The following DLG2 variants were observed in gnomAD, a reference collection of about 807,000 sequenced individuals.
The protein encoded by DLG2 is discs large MAGUK scaffold protein 2.
DLG2 carries 45 observed loss-of-function variants against 132.5 expected under a neutral mutation model. That is an observed-to-expected ratio of 0.34 (90% confidence interval 0.27 to 0.44). The LOEUF (loss-of-function observed/expected upper bound fraction) is 0.44, where lower values mean the gene tolerates loss of function less well. Ranked by LOEUF, DLG2 falls within the 20% of genes least tolerant of loss-of-function variation. The pLI, the probability that DLG2 is intolerant of heterozygous loss-of-function variation, is 1.00. For missense variants in DLG2, 1,045 were observed against 1,196.9 expected (o/e 0.87, Z 1.87); for synonymous variants, 424 against 419.6 (o/e 1.01, Z -0.13).
At chr11:85,271,525 C>T (rs2077529549) in intron 4 of DLG2, among the ~76,000 whole-genome samples, 1 of 152,218 alleles carries the variant, frequency 6.6e-6, no homozygotes, top group Non-Finnish European at 1.5e-5. Flanking sequence ...ACAGCTTGCA[C>T]CGTGCACCCA....
At chr11:84,559,846 T>C (rs1211579231) in intron 6 of DLG2, among the ~76,000 whole-genome samples, 1 of 152,176 alleles carries the variant, frequency 6.6e-6, no homozygotes, top group East Asian at 1.9e-4. Context: ...TAATTTTAAA[T>C]TGATTAAATC....
At chr11:84,665,663 C>T (rs1211976759) in intron 6 of DLG2, among the ~76,000 whole-genome samples, 21 of 152,122 alleles carry the variant, frequency 1.4e-4, no homozygotes, top group Non-Finnish European at 2.9e-4. Context: ...TCTATAAGGG[C>T]ATAACATTTT....
intron 6 of DLG2, among the ~76,000 whole-genome samples, chr11:84,787,442 T>A (rs970624903): frequency 1.3e-5 from 2 of 152,282 alleles, no homozygotes; most frequent in East Asian, 3.9e-4. Flanking sequence ...AATTAATTTA[T>A]TCTTTCTAAA....
intron 14 of DLG2, 77 bp from the exon 15 acceptor site, chr11:83,930,560 A>C: frequency 1.8e-4 from 245 of 1,380,072 alleles, no homozygotes; most frequent in Non-Finnish European, 2.1e-4. Flanking sequence ...GTAGCATCTC[A>C]GCATGTGCAA....
chr11:83,688,103 T>C (rs1191569935), intron 18 of DLG2, among the ~76,000 whole-genome samples: 1 of 152,142 alleles, frequency 6.6e-6, no homozygotes, highest in Non-Finnish European at 1.5e-5. Context: ...TAGAGGTCCC[T>C]GCTCATAAAC....
At chr11:84,631,073 T>A (rs2099631302) in intron 6 of DLG2, among the ~76,000 whole-genome samples, 1 of 133,642 alleles carries the variant, frequency 7.5e-6, no homozygotes, top group Non-Finnish European at 1.6e-5. Context: ...CCACGTTTTG[T>A]TTCTACTGTG....
intron 6 of DLG2, among the ~76,000 whole-genome samples, chr11:84,603,543 G>C (rs2099580359): frequency 6.6e-6 from 1 of 151,790 alleles, no homozygotes; most frequent in South Asian, 2.1e-4. Context: ...GAAGAAAAAA[G>C]ATAAAAGACA....
intron 3 of DLG2, among the ~76,000 whole-genome samples, chr11:85,491,720 C>T (rs72953943): frequency 6.6e-6 from 1 of 151,840 alleles, no homozygotes; most frequent in African/African-American, 2.4e-5. Flanking sequence ...ATACTGAAAA[C>T]TAAAACACTG....
At chr11:85,153,087 T>G (rs1213058461) in intron 5 of DLG2, among the ~76,000 whole-genome samples, 1 of 152,184 alleles carries the variant, frequency 6.6e-6, no homozygotes, top group East Asian at 1.9e-4. Context: ...TTCATCCTCT[T>G]TATATTACTA....
chr11:84,644,391 G>A (rs1594737677), intron 6 of DLG2, among the ~76,000 whole-genome samples: 1 of 152,208 alleles, frequency 6.6e-6, no homozygotes, highest in East Asian at 1.9e-4. Context: ...TAGTGTGCAA[G>A]GCACTATACA....
intron 4 of DLG2, among the ~76,000 whole-genome samples, chr11:85,225,365 A>G (rs2074912428): frequency 6.6e-6 from 1 of 152,068 alleles, no homozygotes; most frequent in Non-Finnish European, 1.5e-5. Context: ...TGACCTTGCT[A>G]CCTACTTGGT....
rs116671015 is a variant in DLG2, at chr11:84,401,878, C to T, written c.519+132692G>A. On this transcript the variant is annotated intron_variant, in intron 7 of 27. Transcript: ENST00000376104. ...TATTTTTAGTAGAGACAGGGTTTCA[C>T]GTCACTTTTTAGCATATTTTATTTG... Among the ~76,000 whole-genome samples, 200 of 152,274 alleles carry T rather than the reference C, an allele frequency of 1.3e-3. 2 individuals carry two copies. Among genetic ancestry groups the T allele is most frequent in the African/African-American group, 4.6e-3 (192 of 41,550 alleles).
chr11:85,118,396 T>A (rs1390994641), intron 5 of DLG2, among the ~76,000 whole-genome samples: 1 of 152,086 alleles, frequency 6.6e-6, no homozygotes. Flanking sequence ...AGAGGTGCAG[T>A]CTGTGGCTAA....
intron 6 of DLG2, among the ~76,000 whole-genome samples, chr11:84,863,412 C>T (rs1022772587): frequency 3.3e-5 from 5 of 152,074 alleles, no homozygotes; most frequent in South Asian, 2.1e-4. Context: ...GTCTCAGATG[C>T]GCTTTTCCTT....
intron 6 of DLG2, among the ~76,000 whole-genome samples, chr11:84,758,306 G>A (rs141141603): frequency 7.7e-4 from 117 of 152,344 alleles, no homozygotes; most frequent in African/African-American, 2.7e-3. Context: ...ACAGGCAGCT[G>A]TAGAGCTGTT....
At chr11:83,842,521 CTCAAA>C (rs2057792571) in intron 16 of DLG2, among the ~76,000 whole-genome samples, 2 of 58,346 alleles carry the variant, frequency 3.4e-5, no homozygotes, top group African/African-American at 6.8e-5. Flanking sequence ...TTGAACCTGT[CTCAAA>C]AAAAAAAAAA....
At chr11:84,016,480 T>C (rs192747083) in intron 11 of DLG2, among the ~76,000 whole-genome samples, 2 of 152,278 alleles carry the variant, frequency 1.3e-5, no homozygotes, top group East Asian at 3.9e-4. Context: ...TTTATAGTTT[T>C]GGGTTTTACA....
intron 6 of DLG2, among the ~76,000 whole-genome samples, chr11:84,715,811 A>T (rs1049742180): frequency 1.3e-5 from 2 of 152,156 alleles, no homozygotes; most frequent in African/African-American, 4.8e-5. Flanking sequence ...GTCAATGAAC[A>T]CTTAGGTTGT....
At chr11:84,983,256 C>T (rs2056018610) in intron 6 of DLG2, among the ~76,000 whole-genome samples, 1 of 152,146 alleles carries the variant, frequency 6.6e-6, no homozygotes, top group African/African-American at 2.4e-5. Flanking sequence ...CCAGGAGACG[C>T]CCCAAATACT....
Sources: gnomAD v4.1 joint callset for allele counts (sites outside exome capture counted in the v4.1 genomes callset) on GRCh38, gnomAD v4.1.1 for gene constraint, MANE v1.5 for transcripts, NCBI Gene and HGNC (gene_info 2026-07-23, HGNC 2026-07-21) for gene names.